Variants in PCDHA6 observed in about 807,000 individuals in gnomAD.
PCDHA6 encodes the protein protocadherin alpha-6.
PCDHA6 carries 55 observed loss-of-function variants against 60.3 expected under a neutral mutation model. The observed-to-expected ratio is 0.91, with a 90% confidence interval of 0.73 to 1.14. The LOEUF (loss-of-function observed/expected upper bound fraction) is 1.14. Ranked by LOEUF, PCDHA6 falls within the 50% of genes most tolerant of loss-of-function variation. The probability of loss-of-function intolerance (pLI) is 0.00; values close to 1 mark genes in which losing one functional copy is unlikely to be tolerated. For synonymous variants in PCDHA6, 652 were observed against 557.9 expected (o/e 1.17, Z -2.38); for missense variants, 1,327 against 1,256.5 (o/e 1.06, Z -0.85).
chr5:140,849,583 C>T (rs2040974619), intron 1 of PCDHA6: 4 of 1,598,684 alleles, frequency 2.5e-6, no homozygotes, highest in Non-Finnish European at 3.4e-6. Flanking sequence ...AAAGAGGACG[C>T]ACAACTGGGG....
At chr5:140,930,644 A>G (rs1346561903) in intron 1 of PCDHA6, among the ~76,000 whole-genome samples, 1 of 152,198 alleles carries the variant, frequency 6.6e-6, no homozygotes, top group East Asian at 1.9e-4. Context: ...AGGAAGGAAA[A>G]TGAAGCATTC....
At chr5:140,893,264 A>G (rs1554185566) in intron 1 of PCDHA6, among the ~76,000 whole-genome samples, 1 of 152,172 alleles carries the variant, frequency 6.6e-6, no homozygotes, top group East Asian at 1.9e-4. Flanking sequence ...ATAAATGCCC[A>G]ATAGTGGAAT....
At chr5:140,894,363 C>T (rs971503382) in intron 1 of PCDHA6, among the ~76,000 whole-genome samples, 1 of 151,968 alleles carries the variant, frequency 6.6e-6, no homozygotes, top group Admixed American at 6.5e-5. Context: ...ATTTCTTCTT[C>T]AATGGCTCCA....
intron 1 of PCDHA6, among the ~76,000 whole-genome samples, chr5:140,889,975 T>A (rs2062445806): frequency 6.6e-6 from 1 of 152,182 alleles, no homozygotes; most frequent in African/African-American, 2.4e-5. Flanking sequence ...CTATCCAGTC[T>A]CCAGTTGTCT....
At chr5:140,998,274 T>C (rs2097804171) in intron 3 of PCDHA6, among the ~76,000 whole-genome samples, 1 of 152,162 alleles carries the variant, frequency 6.6e-6, no homozygotes, top group African/African-American at 2.4e-5. Flanking sequence ...CTGACACCCA[T>C]AGGATTAAAT....
At chr5:141,004,449 A>G (rs2098166973) in intron 3 of PCDHA6, among the ~76,000 whole-genome samples, 1 of 152,180 alleles carries the variant, frequency 6.6e-6, no homozygotes. Flanking sequence ...GTCATATAGA[A>G]CCAGGAAGCT....
chr5:140,849,743 G>A lies in PCDHA6; in HGVS notation c.2394+19258G>A, dbSNP rs1554143245. ...TGCTGGACAGAGCTCTGGACCGCGA[G>A]AGTGTGTCCGCCTACGAGCTGGTGG... On this transcript the variant is annotated intron_variant, in intron 1 of 3. Transcript: ENST00000529310. 4 of 1,598,390 alleles carry A rather than the reference G, an allele frequency of 2.5e-6. No individual in the cohort carries two copies. The Admixed American group carries it at 6.7e-5, about 27-fold the overall frequency.
intron 1 of PCDHA6, among the ~76,000 whole-genome samples, chr5:140,919,626 T>C (rs1554199177): frequency 6.6e-6 from 1 of 152,244 alleles, no homozygotes. Flanking sequence ...TTTTGAGTTA[T>C]TTTCACAGTA....
At chr5:140,871,344 G>T in intron 1 of PCDHA6, 1 of 1,614,200 alleles carries the variant, frequency 6.2e-7, no homozygotes, top group Non-Finnish European at 8.5e-7. Context: ...TGGGGAGCTG[G>T]TCATACTCGC....
rs1554205452 is a variant in PCDHA6 at position 140,928,080 on chromosome 5, C to T, written c.2395-50869C>T. ...CGGCTTCCTTTGACAACTACTACAG[C>T]CTGCTGATTGATGGGCCCCTGGACC... On this transcript the variant is annotated intron_variant, in intron 1 of 3. Transcript: ENST00000529310. The T allele has an allele frequency of 2.5e-6, 4 of 1,614,072 alleles. No homozygotes were observed. The African/African-American group carries it at 4.0e-5, about 16-fold the overall frequency.
At chr5:140,912,116 C>G (rs2075772929) in intron 1 of PCDHA6, among the ~76,000 whole-genome samples, 1 of 152,188 alleles carries the variant, frequency 6.6e-6, no homozygotes, top group Non-Finnish European at 1.5e-5. Context: ...GGCTGGGAGG[C>G]TAAGTCAGTC....
At chr5:140,838,747 G>A (rs1055072551) in intron 1 of PCDHA6, among the ~76,000 whole-genome samples, 2 of 151,894 alleles carry the variant, frequency 1.3e-5, no homozygotes, top group South Asian at 2.1e-4. Flanking sequence ...ACCAGCTTGT[G>A]CATCTTTTGT....
intron 1 of PCDHA6, among the ~76,000 whole-genome samples, chr5:140,873,370 T>A (rs2054256707): frequency 6.6e-6 from 1 of 152,166 alleles, no homozygotes; most frequent in Non-Finnish European, 1.5e-5. Flanking sequence ...TAACTGAAGA[T>A]CTTTTAAAGA....
At chr5:140,883,471 C>G (rs781812025) in intron 1 of PCDHA6, 4 of 1,614,182 alleles carry the variant, frequency 2.5e-6, no homozygotes, top group Non-Finnish European at 3.4e-6. Flanking sequence ...TGTCCACCTA[C>G]AAGAACTACT....
In PCDHA6 at chr5:140,836,623, G is replaced by C. The variant is rs2150266037; in HGVS notation, c.2394+6138G>C. 44 of 1,613,510 alleles carry C rather than the reference G, an allele frequency of 2.7e-5. 1 individual carries two copies. The highest frequency in any genetic ancestry group is 4.5e-5 in the East Asian group (2 of 44,856). On this transcript the variant is annotated intron_variant, in intron 1 of 3. Transcript: ENST00000529310. ...CTGGTGTGCTCCAGCGCGGTGGGGA[G>C]CTGGTCATTCTCCCAGCAGAGGCGG...
At chr5:140,878,103 G>A (rs2153358436) in intron 1 of PCDHA6, 1 of 261,846 alleles carries the variant, frequency 3.8e-6, no homozygotes, top group East Asian at 7.9e-5. Context: ...GATGAACCTT[G>A]AAAAAAACAG....
chr5:140,957,407 A>G lies in PCDHA6; in HGVS notation c.2395-21542A>G, dbSNP rs570373783. On this transcript the variant is annotated intron_variant, in intron 1 of 3. Coordinates refer to ENST00000529310, the MANE Select transcript of PCDHA6 (RefSeq NM_018909.4). ...GTTATAATTGTCCTAATTTATTATT[A>G]TTGTTGTTAATCTTTTACTGTGCCT... Among the ~76,000 whole-genome samples, 13 of 152,274 alleles carry G rather than the reference A, an allele frequency of 8.5e-5. No homozygotes were observed. The South Asian group carries it at 2.7e-3, about 32-fold the overall frequency.
intron 1 of PCDHA6, chr5:140,877,658 T>G: frequency 6.2e-7 from 1 of 1,613,486 alleles, no homozygotes. Context: ...CCGCCCACCG[T>G]GAGCCGGTGC....
Position 140,828,616 on chromosome 5 carries a change from C to T in PCDHA6, c.525C>T (p.Ser175=), listed in dbSNP as rs782081687. Reference sequence around the variant, plus strand: ...TCTTAACCTATAAACTCAGTTCTAGCGAATACTTCGGGCTAGATGTGAAAA... The same window carrying T: ...TCTTAACCTATAAACTCAGTTCTAGTGAATACTTCGGGCTAGATGTGAAAA... ...NSILTYKLSS[S]EYFGLDVKIN... The change falls in exon 1 of 4, where the codon AGC becomes AGT. Residue 175 remains serine (S), a synonymous_variant. Transcript: ENST00000529310. 6.2e-7 allele frequency: 1 copy of T among 1,614,024 alleles called. No individual in the cohort carries two copies. Among genetic ancestry groups the T allele is most frequent in the Non-Finnish European group, 8.5e-7 (1 of 1,180,036 alleles).
Sources: allele counts gnomAD v4.1 joint callset (sites outside exome capture counted in the v4.1 genomes callset), GRCh38; gene constraint gnomAD v4.1.1; transcripts MANE v1.5; gene names NCBI Gene and HGNC (gene_info 2026-07-23, HGNC 2026-07-21).